Variants in CPB1 observed in about 807,000 individuals in gnomAD.
The protein encoded by CPB1 is carboxypeptidase B.
Under a neutral mutation model 51.4 loss-of-function variants are expected in CPB1, and 53 were observed. That is an observed-to-expected ratio of 1.03 (90% CI 0.83 to 1.30). CPB1 has a LOEUF of 1.30. CPB1 is among the 50% of genes most tolerant of loss of function. The probability of loss-of-function intolerance (pLI) is 0.00; values close to 1 mark genes in which losing one functional copy is unlikely to be tolerated. For synonymous variants in CPB1, 189 were observed against 186.9 expected (o/e 1.01, Z -0.09); for missense variants, 494 against 516.2 (o/e 0.96, Z 0.42).
chr3:148,846,686 AC>A (rs1250743176), intron 9 of CPB1, among the ~76,000 whole-genome samples: 3 of 147,976 alleles, frequency 2.0e-5, no homozygotes, highest in Non-Finnish European at 4.5e-5. Flanking sequence ...TCTTTAAAAA[AC>A]AATACAATTT....
chr3:148,840,577 G>A (rs1713044977), intron 3 of CPB1, 109 bp from the exon 4 acceptor site: 1 of 852,680 alleles, frequency 1.2e-6, no homozygotes, highest in Non-Finnish European at 2.0e-6. Flanking sequence ...AGAATTTATG[G>A]AGAGTGCAAT....
intron 3 of CPB1, among the ~76,000 whole-genome samples, chr3:148,836,639 G>A (rs750761240): frequency 1.3e-5 from 2 of 152,130 alleles, no homozygotes; most frequent in Non-Finnish European, 2.9e-5. Context: ...CTAGAACATA[G>A]GACATCCCCT....
At chr3:148,846,737 AT>A (rs1331136709) in intron 9 of CPB1, among the ~76,000 whole-genome samples, 14 of 328 alleles carry the variant, frequency 0.043, no homozygotes, top group African/African-American at 0.15. Context: ...ATGGCCAAAA[AT>A]ATATATATAT....
chr3:148,831,387 A>G (rs1238152039), intron 2 of CPB1, among the ~76,000 whole-genome samples: 1 of 152,214 alleles, frequency 6.6e-6, no homozygotes, highest in Non-Finnish European at 1.5e-5. Context: ...TCCAACAAAA[A>G]AGGAAAATTT....
intron 2 of CPB1, among the ~76,000 whole-genome samples, chr3:148,833,014 TA>T (rs1401172583): frequency 1.3e-5 from 2 of 152,176 alleles, no homozygotes; most frequent in African/African-American, 4.8e-5. Flanking sequence ...AATTCAGAGC[TA>T]AGTTTCAAAA....
chr3:148,837,099 A>T (rs1005707835), intron 3 of CPB1, among the ~76,000 whole-genome samples: 1 of 152,188 alleles, frequency 6.6e-6, no homozygotes, highest in African/African-American at 2.4e-5. Context: ...TAGGAATCAG[A>T]TAGTGTAAAT....
In CPB1 at chr3:148,859,793, C is replaced by T. The variant is rs762934972; in HGVS notation, c.1067-22C>T. 19 of 1,549,466 alleles carry T rather than the reference C, an allele frequency of 1.2e-5. No homozygotes were observed. In the East Asian group the frequency reaches 2.3e-4, roughly 19 times the overall value. ...CCTTCCTAGATTTAAAGTTTTTTTT[C>T]ACTGCTGTTTGCACATTTCAGATCC... On this transcript the variant is annotated intron_variant, in intron 10 of 10. Coordinates refer to ENST00000282957, the MANE Select transcript of CPB1 (RefSeq NM_001871.3).
chr3:148,847,845 G>T (rs1322997092), intron 9 of CPB1, among the ~76,000 whole-genome samples: 1 of 152,040 alleles, frequency 6.6e-6, no homozygotes, highest in African/African-American at 2.4e-5. Flanking sequence ...TACAAGACAG[G>T]TAACTAAAAT....
chr3:148,854,083 C>CT (rs1034227888), intron 9 of CPB1: 4 of 152,158 alleles, frequency 2.6e-5, no homozygotes, highest in African/African-American at 9.7e-5. Flanking sequence ...GCCCTCATCT[C>CT]TTTTTACAGA....
chr3:148,846,375 T>C (rs1713240536), intron 9 of CPB1, among the ~76,000 whole-genome samples: 2 of 152,020 alleles, frequency 1.3e-5, no homozygotes, highest in Admixed American at 1.3e-4. Context: ...TTATGAAACA[T>C]CTGGCTGCCA....
intron 9 of CPB1, chr3:148,856,301 T>G (rs149663415): frequency 1.2e-3 from 181 of 152,348 alleles, no homozygotes; most frequent in African/African-American, 4.2e-3. Flanking sequence ...AGTTTTCTAA[T>G]TTACCACCTG....
In CPB1 at chr3:148,860,078, G is replaced by A. The variant is rs537596427; in HGVS notation, c.*76G>A. On this transcript the variant is annotated 3_prime_UTR_variant, in exon 11 of 11. Coordinates refer to ENST00000282957, the MANE Select transcript of CPB1 (RefSeq NM_001871.3). ...CTTTCTTGAATTCTTATTTTGGTTT[G>A]CCTGGATGTTTTGCAGATCCCAATC... is the stretch of plus-strand genomic sequence containing the variant. 5.8e-5 allele frequency: 85 copies of A among 1,463,092 alleles called. No individual in the cohort carries two copies. The African/African-American group carries it at 1.1e-3, about 18-fold the overall frequency. 90.6% of individuals were successfully genotyped at this position (1,463,092 alleles called of 1,614,324 possible).
Position 148,841,842 on chromosome 3 carries a change from A to G in CPB1, c.494A>G (p.Asn165Ser). The change falls in exon 6 of 11, where the codon AAT (asparagine) becomes AGT (serine). Residue 165 changes from asparagine to serine, a missense_variant. Physicochemically the swap from Asn to Ser is conservative, Grantham distance 46. Transcript: ENST00000282957. ...CAATAGGTTGGCAAAGCTGGACAAA[A>G]TAAGCCTGCCATTTTCATGGACTGT... Reference protein sequence around the residue: ...YLLKVGKAGQNKPAIFMDCGF... With the variant: ...YLLKVGKAGQSKPAIFMDCGF... The G allele has an allele frequency of 1.2e-6, 2 of 1,613,936 alleles. No homozygotes were observed. Among genetic ancestry groups the G allele is most frequent in the Non-Finnish European group, 1.7e-6 (2 of 1,179,846 alleles).
chr3:148,837,438 A>G (rs11919702), intron 3 of CPB1, among the ~76,000 whole-genome samples: 36,415 of 149,078 alleles, frequency 0.24, 4,562 homozygotes, highest in East Asian at 0.4. Context: ...TGTGTTCCTT[A>G]CTTTTTTGGG....
chr3:148,853,147 A>G (rs1713480424), intron 9 of CPB1, among the ~76,000 whole-genome samples: 1 of 150,440 alleles, frequency 6.6e-6, no homozygotes, highest in Non-Finnish European at 1.5e-5. Flanking sequence ...CTAAACTCAG[A>G]ACTTTCAGTT....
intron 5 of CPB1, 143 bp downstream of exon 5, chr3:148,841,118 TC>T: frequency 1.7e-6 from 1 of 597,304 alleles, no homozygotes; most frequent in Non-Finnish European, 2.9e-6. Context: ...GGAACCAGAT[TC>T]CCCAGCTTCT....
intron 9 of CPB1, 92 bp from the exon 10 acceptor site, chr3:148,857,365 C>A: frequency 1.1e-6 from 1 of 922,536 alleles, no homozygotes; most frequent in Non-Finnish European, 1.7e-6. Context: ...TTGTTACTTA[C>A]ATGCTTTGAA....
At chr3:148,833,191 T>C (rs1712791809) in intron 2 of CPB1, among the ~76,000 whole-genome samples, 1 of 152,192 alleles carries the variant, frequency 6.6e-6, no homozygotes, top group South Asian at 2.1e-4. Context: ...TAGGTCACCT[T>C]CTACAGCCAA....
At position 148,843,222 on chromosome 3, in the gene CPB1, C is replaced by T. The variant is rs746375429; in HGVS notation, c.577-1256C>T. On this transcript the variant is annotated intron_variant, in intron 6 of 10. Transcript: ENST00000282957. ...AGTATTGTATCCATGCTAATTTATT[C>T]ACTTTAATAATTATACCATGGTTGT... Among the ~76,000 whole-genome samples, 9 of 152,228 alleles carry T rather than the reference C, an allele frequency of 5.9e-5. No individual in the cohort carries two copies. In the South Asian group the frequency reaches 1.0e-3, roughly 18 times the overall value.
Sources: allele counts gnomAD v4.1 joint callset (sites outside exome capture counted in the v4.1 genomes callset), GRCh38; gene constraint gnomAD v4.1.1; transcripts MANE v1.5; gene names NCBI Gene and HGNC (gene_info 2026-07-23, HGNC 2026-07-21).